Variants in LUZP2 observed in about 807,000 individuals in gnomAD.
LUZP2 encodes leucine zipper protein 2.
Under a neutral mutation model 51.6 loss-of-function variants are expected in LUZP2, and 52 were observed. The observed-to-expected ratio is 1.01, with a 90% CI of 0.81 to 1.27. LUZP2 has a LOEUF of 1.27. Among genes scored for constraint, LUZP2 ranks in the 50% most tolerant of loss-of-function variants. The pLI is 0.00. For missense variants in LUZP2, 436 were observed against 395.4 expected (o/e 1.10, Z -0.87); for synonymous variants, 154 against 137.3 (o/e 1.12, Z -0.85).
At chr11:24,840,948 T>C (rs1231526290) in intron 5 of LUZP2, among the ~76,000 whole-genome samples, 1 of 152,064 alleles carries the variant, frequency 6.6e-6, no homozygotes, top group Non-Finnish European at 1.5e-5. Context: ...AATATGATTG[T>C]TGAATTAAAT....
chr11:24,908,419 T>A (rs1487598074), intron 6 of LUZP2, among the ~76,000 whole-genome samples: 1 of 152,210 alleles, frequency 6.6e-6, no homozygotes, highest in East Asian at 1.9e-4. Context: ...GGCTGCCTAC[T>A]TTTTCATCGT....
chr11:24,848,563 TCTAGTTATGCTGTTTCTCTTTTGCTTTG>T (rs1284407276), intron 5 of LUZP2, among the ~76,000 whole-genome samples: 26 of 152,260 alleles, frequency 1.7e-4, no homozygotes, highest in African/African-American at 6.3e-4. Flanking sequence ...GCCTTCTTAG[TCTAGTTATGCTGTTTCTCTTTTGCTTTG>T]CTGCATTTTT....
chr11:24,999,555 G>A (rs1856616271), intron 9 of LUZP2, among the ~76,000 whole-genome samples: 1 of 152,084 alleles, frequency 6.6e-6, no homozygotes, highest in Non-Finnish European at 1.5e-5. Flanking sequence ...ACTCCTTTTA[G>A]TAGAGTTTTA....
chr11:24,943,730 T>C (rs1854822841), intron 7 of LUZP2, among the ~76,000 whole-genome samples: 1 of 151,658 alleles, frequency 6.6e-6, no homozygotes, highest in Non-Finnish European at 1.5e-5. Flanking sequence ...ATATAAAAAT[T>C]AGTTGGGTGT....
intron 1 of LUZP2, among the ~76,000 whole-genome samples, chr11:24,642,334 T>G (rs2133947199): frequency 6.6e-6 from 1 of 151,902 alleles, no homozygotes; most frequent in South Asian, 2.1e-4. Context: ...TATATTAAGG[T>G]TAACTCTTTA....
chr11:24,683,164 G>T (rs911567249), intron 1 of LUZP2, among the ~76,000 whole-genome samples: 66 of 152,268 alleles, frequency 4.3e-4, no homozygotes, highest in African/African-American at 1.5e-3. Flanking sequence ...CTTATTGGAA[G>T]ACAGGCCGGC....
At chr11:24,899,701 G>T (rs1214684687) in intron 5 of LUZP2, among the ~76,000 whole-genome samples, 1 of 152,040 alleles carries the variant, frequency 6.6e-6, no homozygotes, top group Non-Finnish European at 1.5e-5. Context: ...CAGAGAGAAA[G>T]AGAGGCATAT....
At chr11:24,688,351 T>G (rs1856961558) in intron 1 of LUZP2, among the ~76,000 whole-genome samples, 1 of 152,172 alleles carries the variant, frequency 6.6e-6, no homozygotes, top group African/African-American at 2.4e-5. Flanking sequence ...GAGAATTGTA[T>G]GGTCAGGATT....
intron 9 of LUZP2, among the ~76,000 whole-genome samples, chr11:24,994,248 C>A (rs1386713874): frequency 1.5e-5 from 2 of 133,162 alleles, no homozygotes; most frequent in African/African-American, 2.9e-5. Context: ...TCCTATTTTT[C>A]TATTCAGAGA....
chr11:24,596,124 A>G (rs1008741970), intron 1 of LUZP2, among the ~76,000 whole-genome samples: 2 of 152,190 alleles, frequency 1.3e-5, no homozygotes, highest in African/African-American at 4.8e-5. Context: ...TATCCGTTGC[A>G]GCTTCAAATG....
chr11:24,563,443 A>G (rs751625565), intron 1 of LUZP2, among the ~76,000 whole-genome samples: 18 of 152,090 alleles, frequency 1.2e-4, no homozygotes, highest in Non-Finnish European at 2.5e-4. Context: ...AACTTAAGAG[A>G]CCTTGCTTTC....
intron 9 of LUZP2, among the ~76,000 whole-genome samples, chr11:25,019,987 T>C (rs1857284996): frequency 6.6e-6 from 1 of 152,160 alleles, no homozygotes; most frequent in African/African-American, 2.4e-5. Flanking sequence ...TGGTATAATA[T>C]TTAAAGCCTC....
chr11:24,501,111 A>C (rs1198410096), intron 1 of LUZP2, among the ~76,000 whole-genome samples: 1 of 152,218 alleles, frequency 6.6e-6, no homozygotes, highest in Non-Finnish European at 1.5e-5. Context: ...TCTGCCACAC[A>C]TGACATTTTA....
chr11:24,537,159 A>C (rs1292915650), intron 1 of LUZP2, among the ~76,000 whole-genome samples: 3 of 151,914 alleles, frequency 2.0e-5, no homozygotes, highest in Non-Finnish European at 2.9e-5. Context: ...ATCATGAATA[A>C]GTTTGAAATA....
chr11:24,528,567 T>C (rs1850892973), intron 1 of LUZP2, among the ~76,000 whole-genome samples: 1 of 151,366 alleles, frequency 6.6e-6, no homozygotes, highest in Non-Finnish European at 1.5e-5. Context: ...ACAGGTTTGT[T>C]ACATATGTAT....
At chr11:24,567,409 A>T (rs1036967780) in intron 1 of LUZP2, among the ~76,000 whole-genome samples, 1 of 152,244 alleles carries the variant, frequency 6.6e-6, no homozygotes, top group Non-Finnish European at 1.5e-5. Context: ...ATAAATGAAC[A>T]GATTTTTTAA....
At chr11:24,518,055 A>G (rs1305875928) in intron 1 of LUZP2, among the ~76,000 whole-genome samples, 1 of 152,152 alleles carries the variant, frequency 6.6e-6, no homozygotes, top group East Asian at 1.9e-4. Flanking sequence ...TGTAGGAGAA[A>G]TTATTTTTTA....
At chr11:24,750,061 G>T (rs142117707) in intron 4 of LUZP2, among the ~76,000 whole-genome samples, 133 of 152,234 alleles carry the variant, frequency 8.7e-4, no homozygotes, top group African/African-American at 3.1e-3. Flanking sequence ...TATCTACTTG[G>T]AATCTTCTAG....
At chr11:24,521,074 G>C (rs998005345) in intron 1 of LUZP2, among the ~76,000 whole-genome samples, 8 of 152,308 alleles carry the variant, frequency 5.3e-5, no homozygotes, top group African/African-American at 1.7e-4. Context: ...TGTGTGGCTG[G>C]GCGTGGTGGC....
Sources: allele counts gnomAD v4.1 joint callset (sites outside exome capture counted in the v4.1 genomes callset), GRCh38; gene constraint gnomAD v4.1.1; transcripts MANE v1.5; gene names NCBI Gene and HGNC (gene_info 2026-07-23, HGNC 2026-07-21).